Variants in CSGALNACT2 observed in about 807,000 individuals in gnomAD.
CSGALNACT2 encodes chondroitin sulfate N-acetylgalactosaminyltransferase 2.
CSGALNACT2 carries 35 observed loss-of-function variants against 55.3 expected under a neutral mutation model. The ratio of observed to expected loss-of-function variants is 0.63; its 90% CI spans 0.48 to 0.84. The LOEUF (loss-of-function observed/expected upper bound fraction) is 0.84. CSGALNACT2 is among the 40% of genes least tolerant of loss of function. The pLI, the probability that CSGALNACT2 is intolerant of heterozygous loss-of-function variation, is 0.00. For missense variants in CSGALNACT2, 544 were observed against 657.5 expected (o/e 0.83, Z 1.89); for synonymous variants, 196 against 224.9 (o/e 0.87, Z 1.15).
intron 6 of CSGALNACT2, 34 bp downstream of exon 6, chr10:43,167,132 C>CT (rs752600773): frequency 1.5e-6 from 2 of 1,318,754 alleles, no homozygotes; most frequent in Admixed American, 3.5e-5. Flanking sequence ...ATGAAAGACT[C>CT]TAAAGATCTT....
intron 4 of CSGALNACT2, among the ~76,000 whole-genome samples, 175 bp downstream of exon 4, chr10:43,160,770 A>G (rs890402364): frequency 6.6e-6 from 1 of 151,928 alleles, no homozygotes; most frequent in African/African-American, 2.4e-5. Context: ...ACATGACTCA[A>G]CTTCCCTTCA....
intron 1 of CSGALNACT2, among the ~76,000 whole-genome samples, chr10:43,142,723 G>T (rs2133087655): frequency 6.6e-6 from 1 of 152,272 alleles, no homozygotes; most frequent in East Asian, 1.9e-4. Context: ...GGTCAGAAAT[G>T]GACTTATGCA....
intron 1 of CSGALNACT2, among the ~76,000 whole-genome samples, chr10:43,147,583 CT>C (rs1838785512): frequency 6.6e-6 from 1 of 152,036 alleles, no homozygotes; most frequent in South Asian, 2.1e-4. Flanking sequence ...CCTATGCTTG[CT>C]TTTGGTTTTT....
intron 7 of CSGALNACT2, among the ~76,000 whole-genome samples, chr10:43,180,308 T>C (rs2133158480): frequency 6.6e-6 from 1 of 151,964 alleles, no homozygotes; most frequent in Non-Finnish European, 1.5e-5. Context: ...ATTTTCAGTC[T>C]TTTTTTTTCT....
At chr10:43,161,123 C>G (rs915020667) in intron 4 of CSGALNACT2, among the ~76,000 whole-genome samples, 2 of 152,172 alleles carry the variant, frequency 1.3e-5, no homozygotes, top group African/African-American at 4.8e-5. Context: ...AGTAGATGCT[C>G]AGAGGTTTGA....
At chr10:43,180,346 T>C (rs1588916801) in intron 7 of CSGALNACT2, among the ~76,000 whole-genome samples, 1 of 152,228 alleles carries the variant, frequency 6.6e-6, no homozygotes, top group East Asian at 1.9e-4. Flanking sequence ...AAATTTTTAT[T>C]GTCATATCCT....
intron 7 of CSGALNACT2, among the ~76,000 whole-genome samples, chr10:43,181,654 T>G (rs1588917616): frequency 6.6e-6 from 1 of 151,444 alleles, no homozygotes; most frequent in East Asian, 1.9e-4. Context: ...GGCTCGAACT[T>G]GTGGTCCCAC....
rs749061909 is a variant in CSGALNACT2 at position 43,160,605 on chromosome 10, C to T, written c.980+10C>T. 7.3e-6 allele frequency: 9 copies of T among 1,225,938 alleles called. No homozygotes were observed. In the South Asian group the frequency reaches 1.1e-4, roughly 15 times the overall value. 75.9% of individuals were successfully genotyped at this position (1,225,938 alleles called of 1,614,324 possible). Reference sequence around the variant, plus strand: ...TAGAATCTGTCACCAGGTTGGTGAACCACATCTGCAGTGAAGGCCTTGATA... The same window carrying T: ...TAGAATCTGTCACCAGGTTGGTGAATCACATCTGCAGTGAAGGCCTTGATA... On this transcript the variant is annotated intron_variant, in intron 4 of 7. Coordinates refer to ENST00000374466, the MANE Select transcript of CSGALNACT2 (RefSeq NM_018590.5).
chr10:43,140,008 A>G (rs1838583680), intron 1 of CSGALNACT2, among the ~76,000 whole-genome samples: 1 of 152,012 alleles, frequency 6.6e-6, no homozygotes, highest in South Asian at 2.1e-4. Flanking sequence ...AGCCTGGCAA[A>G]CATGGTGAAA....
In CSGALNACT2 at chr10:43,158,225, A is replaced by T. The variant is rs1321286217; in HGVS notation, c.662-490A>T. On this transcript the variant is annotated intron_variant, in intron 2 of 7. Transcript: ENST00000374466. ...ATATATCACATAGCACTATATTGTT[A>T]TTATTTGTCTATTTTTCTGTCTCCT... Among the ~76,000 whole-genome samples, 3 of 151,688 alleles carry T rather than the reference A, an allele frequency of 2.0e-5. No homozygotes were observed. In the East Asian group the frequency reaches 5.8e-4, roughly 29 times the overall value.
intron 7 of CSGALNACT2, among the ~76,000 whole-genome samples, chr10:43,176,624 G>A (rs1839485795): frequency 6.6e-6 from 1 of 152,202 alleles, no homozygotes; most frequent in South Asian, 2.1e-4. Context: ...GAAGAGCAGT[G>A]GCACAATCTT....
At chr10:43,176,149 C>A in intron 7 of CSGALNACT2, 117 bp downstream of exon 7, 3 of 677,698 alleles carry the variant, frequency 4.4e-6, no homozygotes, top group Non-Finnish European at 4.7e-6. Flanking sequence ...CTAAGGTTAG[C>A]TAAAAAGAGA....
chr10:43,164,089 G>A (rs370797686), intron 5 of CSGALNACT2, 45 bp downstream of exon 5: 23 of 1,481,626 alleles, frequency 1.6e-5, no homozygotes, highest in Admixed American at 1.9e-5. Context: ...AATTTAGAAC[G>A]TTGTCAGCAT....
chr10:43,162,934 C>G, intron 4 of CSGALNACT2: 1 of 985,416 alleles, frequency 1.0e-6, no homozygotes, highest in Non-Finnish European at 1.2e-6. Context: ...TGACCAATTT[C>G]TTTAACCTTG....
chr10:43,160,451 C>A, intron 3 of CSGALNACT2, 43 bp from the exon 4 acceptor site: 1 of 991,528 alleles, frequency 1.0e-6, no homozygotes, highest in Non-Finnish European at 1.6e-6. Context: ...TGAATAGTGC[C>A]TCATGTTTTC....
At chr10:43,141,130 A>G (rs1838611332) in intron 1 of CSGALNACT2, among the ~76,000 whole-genome samples, 1 of 152,140 alleles carries the variant, frequency 6.6e-6, no homozygotes, top group South Asian at 2.1e-4. Context: ...TGTAATTCCA[A>G]CACTTTGGAA....
intron 5 of CSGALNACT2, among the ~76,000 whole-genome samples, chr10:43,165,075 A>G (rs1238242635): frequency 1.3e-5 from 2 of 152,058 alleles, no homozygotes; most frequent in Non-Finnish European, 2.9e-5. Flanking sequence ...TACAAAAAAA[A>G]TTATCCGGTC....
At chr10:43,156,844 G>A (rs559001033) in intron 2 of CSGALNACT2, among the ~76,000 whole-genome samples, 41 of 152,368 alleles carry the variant, frequency 2.7e-4, no homozygotes, top group African/African-American at 9.1e-4. Context: ...CTCTTGCTGT[G>A]CCGCCTAGTT....
intron 3 of CSGALNACT2, 40 bp from the exon 4 acceptor site, chr10:43,160,454 A>G (rs1231566293): frequency 2.9e-6 from 3 of 1,029,580 alleles, no homozygotes; most frequent in Admixed American, 2.0e-5. Flanking sequence ...ATAGTGCCTC[A>G]TGTTTTCTTG....
Sources: allele counts gnomAD v4.1 joint callset (sites outside exome capture counted in the v4.1 genomes callset), GRCh38; gene constraint gnomAD v4.1.1; transcripts MANE v1.5; gene names NCBI Gene and HGNC (gene_info 2026-07-23, HGNC 2026-07-21).